The following PCDH11X variants were observed in gnomAD, a reference collection of about 807,000 sequenced individuals.
PCDH11X encodes protocadherin-11 X-linked.
In PCDH11X, 18 loss-of-function variants were observed where a neutral mutation model predicts 53.3. That is an observed-to-expected ratio of 0.34 (90% CI 0.23 to 0.50). The LOEUF is 0.50. PCDH11X is among the 20% of genes least tolerant of loss of function. The pLI, the probability that PCDH11X is intolerant of heterozygous loss-of-function variation, is 0.98. For missense variants in PCDH11X, 570 were observed against 1,032.4 expected, an observed-to-expected ratio of 0.55 and a Z score of 6.14; for synonymous variants, 279 against 393.3, an observed-to-expected ratio of 0.71 and a Z score of 3.44.
chrX:91,969,455 G>A (rs1184857318), intron 6 of PCDH11X, among the ~76,000 whole-genome samples: 2 of 108,448 alleles, frequency 1.8e-5, no homozygotes, highest in Admixed American at 9.9e-5. Context: ...TAAAATTCAA[G>A]ATATTGTTTA....
intron 6 of PCDH11X, among the ~76,000 whole-genome samples, chrX:92,018,761 T>C (rs939176163): frequency 3.6e-5 from 4 of 112,547 alleles, no homozygotes; most frequent in African/African-American, 1.3e-4. Context: ...CACACACACA[T>C]ACACACACAT....
At position 91,833,839 on chromosome X, in the gene PCDH11X, A is replaced by G. The variant is rs113857779; in HGVS notation, c.-44-1622A>G. On this transcript the variant is annotated intron_variant, in intron 4 of 10. Transcript: ENST00000682573. The stretch of plus-strand genomic sequence containing the variant: ...TTCATATAACACATTGCTTGGCATA[A>G]CCAGAGCACAATATCCATAACAAGT... Among the ~76,000 whole-genome samples the G allele has an allele frequency of 5.6e-3, 630 of 111,894 alleles. 4 individuals are homozygous for G. Among genetic ancestry groups the G allele is most frequent in the African/African-American group, 0.019 (596 of 30,887 alleles).
chrX:91,878,788 C>A lies in PCDH11X; in HGVS notation c.2548C>A (p.Gln850Lys), dbSNP rs143291231. 4.1e-6 allele frequency: 5 copies of A among 1,208,610 alleles called. No individual in the cohort carries two copies. Among genetic ancestry groups the A allele is most frequent in the Non-Finnish European group, 5.6e-6 (5 of 894,961 alleles). ...CCTTAAGGCTGCTCAGAAAAACAAG[C>A]AGAATTCTGAATGGGCTACCCCAAA... ...PHLKAAQKNK[Q>K]NSEWATPNPE... The change falls in exon 6 of 11, where the codon CAG becomes AAG. Residue 850 changes from glutamine (Q) to lysine (K), a missense_variant. Gln to Lys is a moderately conservative substitution (Grantham distance 53). This residue lies in a region of PCDH11X where 226 missense variants were observed against 457.5 expected (regional missense o/e 0.49). Coordinates refer to ENST00000682573, the MANE Select transcript of PCDH11X (RefSeq NM_032968.5).
At chrX:92,099,021 C>A (rs1438430031) in intron 6 of PCDH11X, among the ~76,000 whole-genome samples, 1 of 111,868 alleles carries the variant, frequency 8.9e-6, no homozygotes, top group Admixed American at 9.5e-5. Context: ...AATGACATGC[C>A]ATACTGGCCA....
rs765227320 is a variant in PCDH11X at position 92,618,458 on chromosome X, C to T, written c.3562C>T (p.Arg1188Ter). The change falls in exon 11 of 11, where the codon CGA becomes TGA. Residue 1188 changes from arginine (R) to a stop codon, truncating the protein, a stop_gained. Transcript: ENST00000682573. LOFTEE classifies it high-confidence loss of function. ...SQASTQHHSPRVTQTIALCHS... is the reference protein window; with the variant it reads ...SQASTQHHSP ...GGCCTCTACTCAGCACCACAGCCCA[C>T]GAGTGACACAGACCATTGCTCTCTG... 2.5e-5 allele frequency: 30 copies of T among 1,209,733 alleles called. No individual in the cohort carries two copies. The highest frequency in any genetic ancestry group is 1.2e-4 in the East Asian group (4 of 33,735).
intron 8 of PCDH11X, among the ~76,000 whole-genome samples, chrX:92,287,323 G>T (rs533416819): frequency 9.0e-6 from 1 of 111,084 alleles, no homozygotes; most frequent in Non-Finnish European, 1.9e-5. Flanking sequence ...TTGTCCTAAT[G>T]CTCTCCCTCC....
At chrX:92,219,271 A>T (rs76778510) in intron 7 of PCDH11X, among the ~76,000 whole-genome samples, 20 of 108,295 alleles carry the variant, frequency 1.8e-4, no homozygotes, top group Middle Eastern at 4.7e-3. Context: ...CTGTTTGCAG[A>T]TGACATGATT....
At chrX:92,207,443 T>TA (rs749889286) in intron 7 of PCDH11X, among the ~76,000 whole-genome samples, 114 of 111,645 alleles carry the variant, frequency 1.0e-3, no homozygotes, top group Non-Finnish European at 1.7e-3. Context: ...TGATGTTCTG[T>TA]AAAAAAACTG....
intron 6 of PCDH11X, among the ~76,000 whole-genome samples, chrX:92,056,640 T>A (rs1263123222): frequency 9.1e-6 from 1 of 110,229 alleles, no homozygotes; most frequent in Non-Finnish European, 1.9e-5. Context: ...GCCTAGGTTG[T>A]CTTCCGAGAT....
At chrX:92,429,636 G>C in intron 9 of PCDH11X, among the ~76,000 whole-genome samples, 1 of 105,889 alleles carries the variant, frequency 9.4e-6, no homozygotes, top group South Asian at 4.4e-4. Context: ...GAGTGGGTGG[G>C]AGTGCTCCTA....
chrX:92,233,207 A>G (rs1000500839), intron 7 of PCDH11X, among the ~76,000 whole-genome samples: 1 of 110,945 alleles, frequency 9.0e-6, no homozygotes, highest in Admixed American at 9.7e-5. Context: ...CAGCATTGTA[A>G]TAACGTTTTA....
chrX:92,209,465 T>A (rs2148333515), intron 7 of PCDH11X, among the ~76,000 whole-genome samples: 1 of 112,375 alleles, frequency 8.9e-6, no homozygotes, highest in African/African-American at 3.2e-5. Flanking sequence ...AGCTGCAAAA[T>A]AATTACCTTT....
At chrX:91,886,710 G>A (rs1297650555) in intron 6 of PCDH11X, among the ~76,000 whole-genome samples, 2 of 109,847 alleles carry the variant, frequency 1.8e-5, no homozygotes. Context: ...GGTGGCTCAT[G>A]CCTGTATTCC....
intron 7 of PCDH11X, among the ~76,000 whole-genome samples, chrX:92,251,203 A>T (rs1245153735): frequency 2.7e-5 from 3 of 111,005 alleles, no homozygotes; most frequent in Non-Finnish European, 5.7e-5. Flanking sequence ...GTAAAGCGGT[A>T]GAGCTAGGAG....
chrX:92,590,728 T>C (rs73630169), intron 10 of PCDH11X, among the ~76,000 whole-genome samples: 11,778 of 109,863 alleles, frequency 0.11, 726 homozygotes, highest in African/African-American at 0.22. Flanking sequence ...TGGTCTGGAA[T>C]CGGTTTGGAA....
chrX:91,984,249 T>C (rs1464572291), intron 6 of PCDH11X, among the ~76,000 whole-genome samples: 1 of 101,200 alleles, frequency 9.9e-6, no homozygotes, highest in Non-Finnish European at 2.0e-5. Context: ...TTAATAAATA[T>C]TCTGCTAGCT....
chrX:91,873,020 C>A (rs1939407796), intron 5 of PCDH11X, among the ~76,000 whole-genome samples: 2 of 108,858 alleles, frequency 1.8e-5, no homozygotes, highest in African/African-American at 6.7e-5. Flanking sequence ...GATATCTCAC[C>A]AAAATTTTGT....
chrX:92,587,821 T>C (rs1197001604), intron 10 of PCDH11X, among the ~76,000 whole-genome samples: 2 of 109,574 alleles, frequency 1.8e-5, no homozygotes, highest in Middle Eastern at 4.8e-3. Context: ...GTGTACTCCA[T>C]TGATGTGTGT....
chrX:92,218,869 C>T (rs1188830915), intron 7 of PCDH11X, among the ~76,000 whole-genome samples: 1 of 111,514 alleles, frequency 9.0e-6, no homozygotes, highest in Non-Finnish European at 1.9e-5. Context: ...GGCTTCATCC[C>T]TGGGATGCAA....
Sources: gnomAD v4.1 joint callset for allele counts (sites outside exome capture counted in the v4.1 genomes callset) on GRCh38, gnomAD v4.1.1 for gene constraint, gnomAD v4.1.1 regional missense constraint, MANE v1.5 for transcripts, NCBI Gene and HGNC (gene_info 2026-07-23, HGNC 2026-07-21) for gene names.